Variants in LRFN5 observed in about 807,000 individuals in gnomAD.
The protein encoded by LRFN5 is leucine rich repeat and fibronectin type III domain containing 5, also known as leucine-rich repeat and fibronectin type-III domain-containing protein 5.
Under a neutral mutation model 45.6 loss-of-function variants are expected in LRFN5, and 24 were observed. The observed-to-expected ratio is 0.53, with a 90% CI of 0.38 to 0.74. LRFN5 has a LOEUF of 0.74. Among genes scored for constraint, LRFN5 ranks in the 30% least tolerant of loss-of-function variants. The probability of loss-of-function intolerance (pLI) is 0.00; values close to 1 mark genes in which losing one functional copy is unlikely to be tolerated. For missense variants in LRFN5, 776 were observed against 861.5 expected (o/e 0.90, Z 1.24); for synonymous variants, 340 against 313.8 (o/e 1.08, Z -0.88).
At chr14:41,658,662 T>A (rs1594588653) in intron 1 of LRFN5, among the ~76,000 whole-genome samples, 1 of 151,996 alleles carries the variant, frequency 6.6e-6, no homozygotes, top group East Asian at 1.9e-4. Flanking sequence ...ACATCTACTT[T>A]GAAATTTTTA....
At chr14:41,725,511 C>G (rs7145820) in intron 1 of LRFN5, among the ~76,000 whole-genome samples, 97,288 of 151,980 alleles carry the variant, frequency 0.64, 31,900 homozygotes, top group African/African-American at 0.79. Flanking sequence ...CTAGTCATCT[C>G]TCTGAAAACT....
chr14:41,618,149 T>A (rs1336544253), intron 1 of LRFN5, among the ~76,000 whole-genome samples: 1 of 152,220 alleles, frequency 6.6e-6, no homozygotes, highest in Non-Finnish European at 1.5e-5. Flanking sequence ...AAATCTGGGC[T>A]TAATTCTAGA....
intron 1 of LRFN5, among the ~76,000 whole-genome samples, chr14:41,750,986 C>T (rs185938067): frequency 3.2e-4 from 49 of 152,156 alleles, no homozygotes; most frequent in African/African-American, 1.1e-3. Flanking sequence ...CCCTACGTCC[C>T]GACAGGCCCC....
intron 2 of LRFN5, among the ~76,000 whole-genome samples, chr14:41,781,556 AAGAGAAAG>A (rs1400151569): frequency 2.0e-5 from 2 of 100,852 alleles, no homozygotes; most frequent in East Asian, 6.0e-4. Flanking sequence ...GGAGAAAAGA[AAGAGAAAG>A]AAAGAAAGAA....
At chr14:41,790,892 C>A (rs1886896764) in intron 2 of LRFN5, among the ~76,000 whole-genome samples, 1 of 151,624 alleles carries the variant, frequency 6.6e-6, no homozygotes, top group African/African-American at 2.4e-5. Context: ...GGGCATTATG[C>A]ACTATACATT....
In LRFN5 at chr14:41,688,910, CA is replaced by C. The variant is rs59803978; in HGVS notation, c.-196-77926del. Among the ~76,000 whole-genome samples, 1,232 of 125,214 alleles carry C rather than the reference CA, an allele frequency of 9.8e-3. 12 individuals carry two copies. Among genetic ancestry groups the C allele is most frequent in the African/African-American group, 0.024 (849 of 34,758 alleles). The allele number at this position is 125,214 out of a possible 152,430, so 82.1% of individuals were successfully genotyped here. A position where few individuals can be genotyped will look rare whatever the true frequency, so the allele number is the denominator to read the frequency against. ...CAGCATGGTGAGACCCTATTTCTAC[CA>C]AAAAAAAAAAAAAAAAAGGAAAAAG... On this transcript the variant is annotated intron_variant, in intron 1 of 5. Coordinates refer to ENST00000298119, the MANE Select transcript of LRFN5 (RefSeq NM_152447.5).
intron 1 of LRFN5, among the ~76,000 whole-genome samples, chr14:41,735,701 A>G (rs1372147396): frequency 6.6e-6 from 1 of 152,136 alleles, no homozygotes; most frequent in East Asian, 1.9e-4. Flanking sequence ...GATAAGCTGT[A>G]TCTATCAACC....
At chr14:41,770,385 G>A (rs893538618) in intron 2 of LRFN5, among the ~76,000 whole-genome samples, 1 of 152,132 alleles carries the variant, frequency 6.6e-6, no homozygotes, top group Non-Finnish European at 1.5e-5. Flanking sequence ...CCAACATTAA[G>A]TCTAAAGTCC....
chr14:41,706,705 G>A (rs535791830), intron 1 of LRFN5, among the ~76,000 whole-genome samples: 2 of 152,144 alleles, frequency 1.3e-5, no homozygotes, highest in South Asian at 4.2e-4. Flanking sequence ...CTTTTTATGT[G>A]TTTGCGGGCT....
chr14:41,888,047 C>A, intron 3 of LRFN5, 37 bp downstream of exon 3: 2 of 1,473,044 alleles, frequency 1.4e-6, no homozygotes, highest in Non-Finnish European at 1.8e-6. Flanking sequence ...ACTTACCATG[C>A]ATCTTAGTGT....
chr14:41,873,569 T>C (rs1401700110), intron 2 of LRFN5, among the ~76,000 whole-genome samples: 1 of 152,158 alleles, frequency 6.6e-6, no homozygotes, highest in Non-Finnish European at 1.5e-5. Context: ...ATTTATACCC[T>C]CAGTAAATTC....
At chr14:41,686,337 A>G (rs1483851188) in intron 1 of LRFN5, among the ~76,000 whole-genome samples, 1 of 151,972 alleles carries the variant, frequency 6.6e-6, no homozygotes, top group Non-Finnish European at 1.5e-5. Flanking sequence ...ACTTTGCTGA[A>G]GTTGCTTATC....
At chr14:41,775,607 C>T (rs183165879) in intron 2 of LRFN5, among the ~76,000 whole-genome samples, 18 of 152,168 alleles carry the variant, frequency 1.2e-4, no homozygotes, top group African/African-American at 4.3e-4. Flanking sequence ...GATGTAGTTC[C>T]ATTACAGGCA....
intron 2 of LRFN5, among the ~76,000 whole-genome samples, chr14:41,878,190 C>T (rs1385911280): frequency 6.6e-6 from 1 of 152,058 alleles, no homozygotes; most frequent in Non-Finnish European, 1.5e-5. Context: ...TATAAAATAT[C>T]CTTCACAATA....
At chr14:41,762,040 T>A (rs1411385255) in intron 1 of LRFN5, among the ~76,000 whole-genome samples, 2 of 151,926 alleles carry the variant, frequency 1.3e-5, no homozygotes, top group African/African-American at 4.8e-5. Flanking sequence ...GAATATCTTA[T>A]TTTAAACTAT....
intron 1 of LRFN5, among the ~76,000 whole-genome samples, chr14:41,717,177 T>A (rs1211180677): frequency 6.6e-6 from 1 of 152,168 alleles, no homozygotes; most frequent in Non-Finnish European, 1.5e-5. Flanking sequence ...ATGGTGAAGA[T>A]TCTACCCAGA....
intron 1 of LRFN5, among the ~76,000 whole-genome samples, chr14:41,634,950 A>G (rs1264038031): frequency 6.6e-6 from 1 of 152,092 alleles, no homozygotes; most frequent in East Asian, 1.9e-4. Context: ...TATGTAATGA[A>G]ACATAATTAC....
intron 1 of LRFN5, among the ~76,000 whole-genome samples, chr14:41,661,259 G>C (rs946671707): frequency 1.3e-5 from 2 of 151,818 alleles, no homozygotes; most frequent in African/African-American, 2.4e-5. Flanking sequence ...TAGTAGAAAA[G>C]ATAGGTCTCT....
chr14:41,694,024 T>A (rs1480768511), intron 1 of LRFN5, among the ~76,000 whole-genome samples: 1 of 152,034 alleles, frequency 6.6e-6, no homozygotes, highest in African/African-American at 2.4e-5. Context: ...TTGAAATGTT[T>A]GTATATGTTT....
Sources: gnomAD v4.1 joint callset for allele counts (sites outside exome capture counted in the v4.1 genomes callset) on GRCh38, gnomAD v4.1.1 for gene constraint, MANE v1.5 for transcripts, NCBI Gene and HGNC (gene_info 2026-07-23, HGNC 2026-07-21) for gene names.